KIF13A: variants seen among roughly 807,000 people sequenced by gnomAD.
KIF13A encodes the protein kinesin-like protein KIF13A.
KIF13A carries 79 observed loss-of-function variants against 212.2 expected under a neutral mutation model. The ratio of observed to expected loss-of-function variants is 0.37; its 90% CI spans 0.31 to 0.45. KIF13A has a LOEUF of 0.45. Ranked by LOEUF, KIF13A falls within the 20% of genes least tolerant of loss-of-function variation. The probability of loss-of-function intolerance (pLI) is 1.00; values close to 1 mark genes in which losing one functional copy is unlikely to be tolerated. For synonymous variants in KIF13A, 789 were observed against 808.6 expected (o/e 0.98, Z 0.41); for missense variants, 1,901 against 2,209.0 (o/e 0.86, Z 2.79).
intron 2 of KIF13A, among the ~76,000 whole-genome samples, chr6:17,943,862 TAGA>T (rs895602856): frequency 6.6e-6 from 1 of 152,124 alleles, no homozygotes; most frequent in Non-Finnish European, 1.5e-5. Flanking sequence ...ACTTATGTCA[TAGA>T]AGGAGTTGAG....
intron 18 of KIF13A, among the ~76,000 whole-genome samples, chr6:17,806,097 ATTTTTTGTAT>A (rs1762923212): frequency 6.6e-6 from 1 of 151,144 alleles, no homozygotes; most frequent in Non-Finnish European, 1.5e-5. Flanking sequence ...TTTTTATTTT[ATTTTTTGTAT>A]TTTTTTGTAT....
At chr6:17,808,618 G>T in intron 18 of KIF13A, 150 bp downstream of exon 18, 1 of 602,536 alleles carries the variant, frequency 1.7e-6, no homozygotes, top group Non-Finnish European at 2.7e-6. Context: ...CTTATCCAAT[G>T]AGGTATATAA....
chr6:17,922,120 C>T (rs1248587007), intron 2 of KIF13A, among the ~76,000 whole-genome samples: 2 of 152,130 alleles, frequency 1.3e-5, no homozygotes, highest in Non-Finnish European at 2.9e-5. Context: ...GGGGAGGGCT[C>T]ATCGACAAGA....
In KIF13A at chr6:17,963,658, A is replaced by G. The variant is rs1461809480; in HGVS notation, c.146+23396T>C. Among the ~76,000 whole-genome samples the G allele has an allele frequency of 6.6e-6, 1 of 152,112 alleles. No individual in the cohort carries two copies. The highest frequency in any genetic ancestry group is 2.4e-5 in the African/African-American group (1 of 41,430). On this transcript the variant is annotated intron_variant, in intron 2 of 38. Coordinates refer to ENST00000259711, the MANE Select transcript of KIF13A (RefSeq NM_022113.6). The surrounding 1 kb of genome is among the most constrained non-coding windows in gnomAD (Gnocchi z 4.1). ...TGCAACCTCCGCCTCCTGGGTTCCA[A>G]CGATTCCCCTGCCTCAGGCTCCCAA... is the stretch of plus-strand genomic sequence containing the variant.
intron 16 of KIF13A, chr6:17,822,040 C>CTTTTTT: frequency 3.2e-6 from 2 of 615,898 alleles, no homozygotes; most frequent in South Asian, 3.1e-5. Context: ...GGAAACATAA[C>CTTTTTT]TTCTTTTTTT....
chr6:17,817,145 C>T lies in KIF13A; in HGVS notation c.1875G>A (p.Glu625=). The T allele has an allele frequency of 6.2e-7, 1 of 1,614,052 alleles. No individual in the cohort carries two copies. The highest frequency in any genetic ancestry group is 8.5e-7 in the Non-Finnish European group (1 of 1,179,906). ...GCTGGCGGAGTTGCTCCAGTTCCCG[C>T]TCATACATGAGCCGCTGCTCCTCTA... is the stretch of plus-strand genomic sequence containing the variant. ...SALEEQRLMY[E]RELEQLRQQL... Residue 625 remains glutamate, a synonymous_variant, in exon 17 of 39, where the codon GAG becomes GAA. Transcript: ENST00000259711.
chr6:17,976,108 A>T (rs1198949002), intron 2 of KIF13A, among the ~76,000 whole-genome samples: 1 of 152,202 alleles, frequency 6.6e-6, no homozygotes, highest in Non-Finnish European at 1.5e-5. Flanking sequence ...TCCTCACTAG[A>T]CTCAGGAGCC....
rs1018676225 is a variant in KIF13A at position 17,907,983 on chromosome 6, C to T, written c.147-9803G>A. Among the ~76,000 whole-genome samples, 5 of 152,154 alleles carry T rather than the reference C, an allele frequency of 3.3e-5. No individual in the cohort carries two copies. The South Asian group carries it at 1.0e-3, about 32-fold the overall frequency. ...CATCTAGAGTCAGCAGTGAGACACG[C>T]ACTGGTGAGCCTCTGCCTGGCACCA... On this transcript the variant is annotated intron_variant, in intron 2 of 38. Transcript: ENST00000259711.
intron 4 of KIF13A, among the ~76,000 whole-genome samples, chr6:17,858,318 A>G (rs1024876900): frequency 6.6e-6 from 1 of 152,220 alleles, no homozygotes; most frequent in African/African-American, 2.4e-5. Flanking sequence ...TAATCAGAAG[A>G]AACTTTTCTA....
Position 17,773,177 on chromosome 6 carries a change from A to C in KIF13A, c.4324+301T>G, listed in dbSNP as rs1295093073. The stretch of plus-strand genomic sequence containing the variant: ...GCTGGATATTCTGGTAGAAAATAAT[A>C]GGATTTGTATGTGTCTCAAAACTGG... On this transcript the variant is annotated intron_variant, in intron 36 of 38. Transcript: ENST00000259711. This position sits in a 1 kb window ranked among gnomAD's most constrained non-coding sequence, Gnocchi z 4.2. 3.3e-5 allele frequency among the ~76,000 whole-genome samples: 5 copies of C among 152,244 alleles called. No homozygotes were observed. Among genetic ancestry groups the C allele is most frequent in the Admixed American group, 6.5e-5 (1 of 15,282 alleles).
intron 3 of KIF13A, 143 bp from the exon 4 acceptor site, chr6:17,873,580 G>T: frequency 1.6e-6 from 1 of 619,912 alleles, no homozygotes; most frequent in Non-Finnish European, 2.8e-6. Flanking sequence ...TGGTGCTTTT[G>T]TTAACCATAA....
At chr6:17,976,996 G>A (rs922764068) in intron 2 of KIF13A, among the ~76,000 whole-genome samples, 4 of 151,808 alleles carry the variant, frequency 2.6e-5, no homozygotes, top group African/African-American at 9.7e-5. Context: ...CAGCTACTCG[G>A]GAGGCTGAGG....
At chr6:17,882,157 C>T (rs766572546) in intron 3 of KIF13A, 66 of 437,740 alleles carry the variant, frequency 1.5e-4, no homozygotes, top group African/African-American at 1.2e-3. Context: ...TTTGTCCTTT[C>T]GAGTTGTGTG....
chr6:17,814,249 C>CTTTT (rs34056148), intron 17 of KIF13A, among the ~76,000 whole-genome samples: 9 of 89,558 alleles, frequency 1.0e-4, no homozygotes, highest in East Asian at 6.8e-4. Flanking sequence ...CAGTGCCCGG[C>CTTTT]TTTTTTTTTT....
intron 3 of KIF13A, among the ~76,000 whole-genome samples, chr6:17,875,479 G>C (rs1191690845): frequency 7.1e-6 from 1 of 141,162 alleles, no homozygotes; most frequent in South Asian, 2.2e-4. Context: ...TTTTGAGACA[G>C]AGTCTCACTC....
rs917892863 is a variant in KIF13A at position 17,919,259 on chromosome 6, T to C, written c.147-21079A>G. Reference sequence around the variant, plus strand: ...TAACATCACAAAACATCACAGCACATCACAAAACAGTAGAAAGTATCCCTC... The same window carrying C: ...TAACATCACAAAACATCACAGCACACCACAAAACAGTAGAAAGTATCCCTC... On this transcript the variant is annotated intron_variant, in intron 2 of 38. Coordinates refer to ENST00000259711, the MANE Select transcript of KIF13A (RefSeq NM_022113.6). This position sits in a 1 kb window ranked among gnomAD's most constrained non-coding sequence, Gnocchi z 4.1. Among the ~76,000 whole-genome samples the C allele has an allele frequency of 9.9e-5, 15 of 152,094 alleles. No homozygotes were observed. Among genetic ancestry groups the C allele is most frequent in the African/African-American group, 3.6e-4 (15 of 41,418 alleles).
intron 2 of KIF13A, among the ~76,000 whole-genome samples, chr6:17,945,620 T>G (rs1005881208): frequency 1.3e-5 from 2 of 152,156 alleles, no homozygotes; most frequent in Non-Finnish European, 2.9e-5. Flanking sequence ...AAAGAAGAAC[T>G]AAATAAACAG....
At chr6:17,766,839 C>A (rs140425741) in intron 38 of KIF13A, among the ~76,000 whole-genome samples, 77 of 152,246 alleles carry the variant, frequency 5.1e-4, no homozygotes, top group African/African-American at 1.7e-3. Flanking sequence ...GTAATATTTT[C>A]TTTTGCATCT....
At chr6:17,793,165 C>T (rs1430653434) in intron 25 of KIF13A, among the ~76,000 whole-genome samples, 1 of 152,144 alleles carries the variant, frequency 6.6e-6, no homozygotes, top group Non-Finnish European at 1.5e-5. Context: ...CTTGCAGCCT[C>T]TGCCTCCTGG....
Sources: gnomAD v4.1 joint callset for allele counts (sites outside exome capture counted in the v4.1 genomes callset) on GRCh38, gnomAD v4.1.1 for gene constraint, Gnocchi (gnomAD v3.1) non-coding constraint, MANE v1.5 for transcripts, NCBI Gene and HGNC (gene_info 2026-07-23, HGNC 2026-07-21) for gene names.